Variants in WNT9B observed in about 807,000 individuals in gnomAD.
WNT9B encodes protein Wnt-9b.
In WNT9B, 12 loss-of-function variants were observed where a neutral mutation model predicts 30.2. The observed-to-expected ratio is 0.40, with a 90% CI of 0.26 to 0.64. WNT9B has a LOEUF of 0.64. Among genes scored for constraint, WNT9B ranks in the 30% least tolerant of loss-of-function variants. The pLI is 0.42. For missense variants in WNT9B, 442 were observed against 485.2 expected (o/e 0.91, Z 0.84); for synonymous variants, 218 against 216.9 (o/e 1.01, Z -0.05).
At chr17:46,843,831 T>A (rs2084743105) in intron 1 of WNT9B, among the ~76,000 whole-genome samples, 1 of 152,266 alleles carries the variant, frequency 6.6e-6, no homozygotes, top group African/African-American at 2.4e-5. Context: ...TTATGTGTCT[T>A]TCCCAACAAA....
At chr17:46,884,188 C>T (rs894503239), downstream of WNT9B, among the ~76,000 whole-genome samples, 5 of 152,240 alleles carry the variant, frequency 3.3e-5, no homozygotes, top group African/African-American at 1.2e-4. Context: ...CAGAGCCTGA[C>T]AGGCTCTAAT....
intron 1 of WNT9B, among the ~76,000 whole-genome samples, chr17:46,868,232 A>C (rs961381949): frequency 6.6e-6 from 1 of 152,136 alleles, no homozygotes; most frequent in Non-Finnish European, 1.5e-5. Context: ...TTAGTTCAGA[A>C]CCCTGGTTAC....
chr17:46,875,423 G>C (rs919041743), intron 3 of WNT9B, 57 bp downstream of exon 3: 4 of 1,505,562 alleles, frequency 2.7e-6, no homozygotes, highest in Non-Finnish European at 3.6e-6. Context: ...CAGCTGGGGA[G>C]CATGGCTTGA....
chr17:46,872,729 G>T lies in WNT9B; in HGVS notation c.290G>T (p.Arg97Leu), dbSNP rs201223229. ...LECQFQFRHERWNCSLEGRMG... is the reference protein window; with the variant it reads ...LECQFQFRHELWNCSLEGRMG... ...TGCCAGTTTCAGTTCCGGCATGAGC[G>T]CTGGAACTGTAGCCTGGAGGGCAGG... The change falls in exon 2 of 4, where the codon CGC becomes CTC. Residue 97 changes from arginine (R) to leucine (L), a missense_variant. Physicochemically the swap from Arg to Leu is moderately radical, Grantham distance 102. Transcript: ENST00000290015. 2.5e-6 allele frequency: 4 copies of T among 1,612,482 alleles called. No homozygotes were observed. The highest frequency in any genetic ancestry group is 2.7e-5 in the African/African-American group (2 of 74,804).
intron 2 of WNT9B, among the ~76,000 whole-genome samples, chr17:46,873,445 C>T (rs1486695805): frequency 6.6e-6 from 1 of 152,114 alleles, no homozygotes; most frequent in Non-Finnish European, 1.5e-5. Context: ...CATGTGACTC[C>T]CTTGCCAAGG....
intron 1 of WNT9B, among the ~76,000 whole-genome samples, chr17:46,854,469 CCA>C (rs2084907328): frequency 6.6e-6 from 1 of 152,016 alleles, no homozygotes; most frequent in African/African-American, 2.4e-5. Context: ...GGAAGTGACC[CCA>C]GAAGGATCTC....
At chr17:46,882,135 G>A (rs528790774), downstream of WNT9B, among the ~76,000 whole-genome samples, 8 of 152,224 alleles carry the variant, frequency 5.3e-5, no homozygotes, top group South Asian at 2.1e-4. Flanking sequence ...CAGCCTGAGC[G>A]ACAGAGTGAG....
intron 3 of WNT9B, 62 bp downstream of exon 3, chr17:46,875,428 G>A (rs2085329291): frequency 2.7e-6 from 4 of 1,492,080 alleles, no homozygotes; most frequent in Non-Finnish European, 2.7e-6. Flanking sequence ...GGGGAGCATG[G>A]CTTGAAGGAG....
intron 1 of WNT9B, among the ~76,000 whole-genome samples, chr17:46,839,984 TC>T (rs1290324296): frequency 3.6e-4 from 52 of 144,268 alleles, no homozygotes; most frequent in African/African-American, 1.2e-3. Flanking sequence ...TTCTCTTCTT[TC>T]TTTCTTTTTT....
chr17:46,872,593 C>T lies in WNT9B; in HGVS notation c.154C>T (p.Leu52=). 1 of 1,611,538 alleles carries T rather than the reference C, an allele frequency of 6.2e-7. No homozygotes were observed. Among genetic ancestry groups the T allele is most frequent in the Non-Finnish European group, 8.5e-7 (1 of 1,178,828 alleles). The part of the protein sequence containing the change: ...AAAPAQGGAH[L]KQCDLLKLSR... ...AGCCCCGGCACAGGGCGGGGCCCACCTGAAGCAGTGTGACCTGCTGAAGCT... is the reference window on the plus strand; with the variant it reads ...AGCCCCGGCACAGGGCGGGGCCCACTTGAAGCAGTGTGACCTGCTGAAGCT... Residue 52 remains leucine (L), a synonymous_variant, in exon 2 of 4, where the codon CTG becomes TTG. Transcript: ENST00000290015.
At chr17:46,852,019 G>A (rs1256032583) in intron 1 of WNT9B, among the ~76,000 whole-genome samples, 3 of 151,954 alleles carry the variant, frequency 2.0e-5, no homozygotes, top group Admixed American at 1.3e-4. Flanking sequence ...CCCTGGCCCC[G>A]TCCGCCCCGG....
At chr17:46,881,166 G>A (rs928100276), downstream of WNT9B, among the ~76,000 whole-genome samples, 2 of 152,182 alleles carry the variant, frequency 1.3e-5, no homozygotes, top group Non-Finnish European at 2.9e-5. Context: ...TCCTGGCTCA[G>A]GCCTGCCCTG....
downstream of WNT9B, among the ~76,000 whole-genome samples, chr17:46,881,957 A>G (rs1475651863): frequency 2.0e-5 from 3 of 152,182 alleles, no homozygotes; most frequent in Admixed American, 1.3e-4. Flanking sequence ...TACATAGTCC[A>G]TATTCAGACT....
intron 1 of WNT9B, among the ~76,000 whole-genome samples, chr17:46,845,470 GAGTGAGTTATCTGA>G (rs1041420853): frequency 6.6e-6 from 1 of 151,374 alleles, no homozygotes; most frequent in African/African-American, 2.4e-5. Flanking sequence ...AGGGACAATG[GAGTGAGTTATCTGA>G]ATTTTTTTTT....
Position 46,876,549 on chromosome 17 carries a change from GTAGGGTGTGCT to G in WNT9B, c.906_916del (p.Arg303ProfsTer15). On this transcript the variant is annotated frameshift_variant, in exon 4 of 4. Coordinates refer to ENST00000290015, the MANE Select transcript of WNT9B (RefSeq NM_003396.3). LOFTEE classifies it high-confidence loss of function. ...AGCAAGTACTCACCTGGCACAGCAG[GTAGGGTGTGCT>G]CCCGGGAGGCCAGCTGCAGCAGCCT... is the stretch of plus-strand genomic sequence containing the variant. 6.2e-7 allele frequency: 1 copy of G among 1,613,660 alleles called. No individual in the cohort carries two copies. Among genetic ancestry groups the G allele is most frequent in the Non-Finnish European group, 8.5e-7 (1 of 1,180,022 alleles).
rs775759066 is a variant in WNT9B, at chr17:46,877,620, G to T, written c.*902G>T. ...AGAGGAGGAGGGCAACAGCTTCCTGGTGCCTGGCAGTGACGTGGCGAGCTC... is the reference window on the plus strand; with the variant it reads ...AGAGGAGGAGGGCAACAGCTTCCTGTTGCCTGGCAGTGACGTGGCGAGCTC... On this transcript the variant is annotated 3_prime_UTR_variant, in exon 4 of 4. Coordinates refer to ENST00000290015, the MANE Select transcript of WNT9B (RefSeq NM_003396.3). 1.3e-5 allele frequency among the ~76,000 whole-genome samples: 2 copies of T among 152,186 alleles called. No individual in the cohort carries two copies. Among genetic ancestry groups the T allele is most frequent in the Non-Finnish European group, 2.9e-5 (2 of 68,034 alleles).
chr17:46,833,496 C>A, intron 1 of WNT9B: 1 of 463,834 alleles, frequency 2.2e-6, no homozygotes, highest in Non-Finnish European at 4.3e-6. Context: ...ATCTGGTCAC[C>A]TCACTGCCTG....
chr17:46,872,118 G>C (rs771941470), intron 1 of WNT9B, among the ~76,000 whole-genome samples: 2 of 152,136 alleles, frequency 1.3e-5, no homozygotes, highest in African/African-American at 4.8e-5. Context: ...CAAACTTCCC[G>C]GATCACAAAA....
At chr17:46,835,802 C>T (rs1395513415) in intron 1 of WNT9B, among the ~76,000 whole-genome samples, 2 of 152,244 alleles carry the variant, frequency 1.3e-5, no homozygotes, top group Non-Finnish European at 2.9e-5. Flanking sequence ...GGAGGGCCTG[C>T]GCCCCCTCAG....
Sources: gnomAD v4.1 joint callset for allele counts (sites outside exome capture counted in the v4.1 genomes callset) on GRCh38, gnomAD v4.1.1 for gene constraint, MANE v1.5 for transcripts, NCBI Gene and HGNC (gene_info 2026-07-23, HGNC 2026-07-21) for gene names.